UNC13C: variants seen among roughly 807,000 people sequenced by gnomAD.
The protein encoded by UNC13C is protein unc-13 homolog C.
In UNC13C, 174 loss-of-function variants were observed where a neutral mutation model predicts 245.4. The ratio of observed to expected loss-of-function variants is 0.71; its 90% CI spans 0.63 to 0.80. The LOEUF (loss-of-function observed/expected upper bound fraction) is 0.80, where lower values mean the gene tolerates loss of function less well. UNC13C is among the 30% of genes least tolerant of loss of function. The pLI, the probability that UNC13C is intolerant of heterozygous loss-of-function variation, is 0.00. For missense variants in UNC13C, 2,829 were observed against 2,602.9 expected (o/e 1.09, Z -1.89); for synonymous variants, 992 against 895.1 (o/e 1.11, Z -1.93).
chr15:54,207,197 T>G (rs186574241), intron 4 of UNC13C, among the ~76,000 whole-genome samples: 1 of 152,130 alleles, frequency 6.6e-6, no homozygotes, highest in East Asian at 1.9e-4. Context: ...AAAACTCATG[T>G]TGAAATTTGA....
chr15:54,603,318 T>C (rs1899550469), intron 30 of UNC13C, among the ~76,000 whole-genome samples: 1 of 152,188 alleles, frequency 6.6e-6, no homozygotes, highest in Non-Finnish European at 1.5e-5. Context: ...TTTGAAGGTA[T>C]TGATTCCTCA....
At chr15:54,376,483 A>G (rs2039609649) in intron 17 of UNC13C, among the ~76,000 whole-genome samples, 1 of 152,192 alleles carries the variant, frequency 6.6e-6, no homozygotes, top group African/African-American at 2.4e-5. Flanking sequence ...CTGCTAAATT[A>G]AATACATTTA....
intron 19 of UNC13C, among the ~76,000 whole-genome samples, chr15:54,487,787 AAAGACAGAGAGAG>A (rs1567320832): frequency 5.1e-5 from 4 of 78,646 alleles, no homozygotes; most frequent in South Asian, 3.9e-4. Flanking sequence ...AAAAAAAAAA[AAAGACAGAGAGAG>A]AGAAAAGAAA....
intron 22 of UNC13C, among the ~76,000 whole-genome samples, chr15:54,503,478 T>C (rs1221203989): frequency 6.6e-6 from 1 of 151,120 alleles, no homozygotes; most frequent in East Asian, 1.9e-4. Flanking sequence ...ACTCTGTCAC[T>C]GGAGTGCAGT....
downstream of UNC13C, chr15:54,630,481 A>T (rs1274721249): frequency 6.6e-6 from 1 of 152,220 alleles, no homozygotes; most frequent in Non-Finnish European, 1.5e-5. Flanking sequence ...TTTATGGACT[A>T]CTATAGCAGC....
intron 19 of UNC13C, among the ~76,000 whole-genome samples, chr15:54,467,056 G>T (rs1323165658): frequency 6.6e-6 from 1 of 151,752 alleles, no homozygotes; most frequent in African/African-American, 2.4e-5. Flanking sequence ...AAAATATTCA[G>T]ACTTCTGGGA....
At chr15:54,193,853 G>A (rs2034267671) in intron 4 of UNC13C, among the ~76,000 whole-genome samples, 1 of 152,012 alleles carries the variant, frequency 6.6e-6, no homozygotes, top group Non-Finnish European at 1.5e-5. Context: ...AGAGTGCCAG[G>A]GTAGCTTTTA....
intron 4 of UNC13C, among the ~76,000 whole-genome samples, chr15:54,200,774 A>G (rs1372396199): frequency 3.9e-5 from 6 of 152,070 alleles, no homozygotes; most frequent in African/African-American, 1.4e-4. Context: ...GAGAAACAAG[A>G]GCAATCCAAA....
At chr15:54,321,305 A>G in intron 13 of UNC13C, 1 of 472,378 alleles carries the variant, frequency 2.1e-6, no homozygotes, top group African/African-American at 2.0e-5. Context: ...TGTACTGTTC[A>G]AAATAATCTC....
intron 19 of UNC13C, among the ~76,000 whole-genome samples, chr15:54,421,929 T>C (rs76545760): frequency 0.019 from 2,942 of 152,152 alleles, 79 homozygotes; most frequent in African/African-American, 0.065. Context: ...GCATGATCCC[T>C]GCCTTGAGAA....
intron 30 of UNC13C, chr15:54,611,728 T>C (rs572778446): frequency 6.6e-6 from 1 of 152,306 alleles, no homozygotes; most frequent in East Asian, 1.9e-4. Context: ...TAATACACGT[T>C]TTGAAATGTT....
At chr15:54,250,838 G>A (rs976863394) in intron 8 of UNC13C, among the ~76,000 whole-genome samples, 1 of 136,010 alleles carries the variant, frequency 7.4e-6, no homozygotes, top group Non-Finnish European at 1.5e-5. Context: ...CTCACTGCAA[G>A]CTCTGCCTCC....
chr15:54,204,147 G>T (rs1596000359), intron 4 of UNC13C, among the ~76,000 whole-genome samples: 2 of 151,858 alleles, frequency 1.3e-5, no homozygotes, highest in South Asian at 2.1e-4. Context: ...ACTCGGGAAA[G>T]GTTGGGGGTG....
Position 54,626,986 on chromosome 15 carries a change from A to G in UNC13C, c.6518A>G (p.Lys2173Arg), listed in dbSNP as rs1256506700. Residue 2173 changes from lysine to arginine, a missense_variant, in exon 33 of 33, where the codon AAA becomes AGA. By Grantham distance (26) the Lys-to-Arg change is conservative. Coordinates refer to ENST00000260323, the MANE Select transcript of UNC13C (RefSeq NM_001080534.3). The stretch of plus-strand genomic sequence containing the variant: ...TATGGGGCATGGTATCCTCTTCTGA[A>G]AAATATCTCTATGGATGAAACTGGT... ...GSYGAWYPLL[K>R]NISMDETGLT... 9 of 1,613,482 alleles carry G rather than the reference A, an allele frequency of 5.6e-6. No homozygotes were observed. Among genetic ancestry groups the G allele is most frequent in the Non-Finnish European group, 1.7e-6 (2 of 1,179,606 alleles).
chr15:54,494,671 G>T lies in UNC13C; in HGVS notation c.4997G>T (p.Trp1666Leu), dbSNP rs750490933. 2 of 1,611,290 alleles carry T rather than the reference G, an allele frequency of 1.2e-6. No individual in the cohort carries two copies. The highest frequency in any genetic ancestry group is 2.2e-5 in the South Asian group (2 of 90,484). ...ATGAATTTGCATTTCAAAGTTAAAT[G>T]GTTTTATAATGAATATGTGCGTGAA... ...DYMNLHFKVK[W>L]FYNEYVRELP... is the part of the protein sequence containing the mutation. The change falls in exon 20 of 33, where the codon TGG (tryptophan) becomes TTG (leucine). Residue 1666 changes from tryptophan to leucine, a missense_variant. Trp to Leu is a moderately conservative substitution (Grantham distance 61). Coordinates refer to ENST00000260323, the MANE Select transcript of UNC13C (RefSeq NM_001080534.3).
chr15:54,171,964 AT>A (rs2033415264), intron 4 of UNC13C, among the ~76,000 whole-genome samples: 1 of 152,112 alleles, frequency 6.6e-6, no homozygotes, highest in African/African-American at 2.4e-5. Context: ...GTTACCATGG[AT>A]GCCAGTGGAG....
rs180866804 is a variant in UNC13C at position 54,305,258 on chromosome 15, T to G, written c.4268+4885T>G. ...TCAGTTGCCAAAAAGAAAGTGAAAA[T>G]GAAAAGTTTAATTGAGCTGATATAG... On this transcript the variant is annotated intron_variant, in intron 13 of 32. Transcript: ENST00000260323. Among the ~76,000 whole-genome samples the G allele has an allele frequency of 2.6e-4, 40 of 152,162 alleles. No individual in the cohort carries two copies. The East Asian group carries it at 7.6e-3, about 29-fold the overall frequency.
Position 54,615,382 on chromosome 15 carries a change from C to A in UNC13C, c.6107-6945C>A, listed in dbSNP as rs534390056. Among the ~76,000 whole-genome samples the A allele has an allele frequency of 4.6e-5, 7 of 152,064 alleles. No homozygotes were observed. In the South Asian group the frequency reaches 1.5e-3, roughly 32 times the overall value. ...TGGGGATGCATAGTCCCATGACTGA[C>A]TGACTTCATCTGAACTAACTTGGCT... On this transcript the variant is annotated intron_variant, in intron 30 of 32. Transcript: ENST00000260323.
chr15:54,452,515 T>C (rs984398014), intron 19 of UNC13C, among the ~76,000 whole-genome samples: 24 of 152,046 alleles, frequency 1.6e-4, no homozygotes, highest in Non-Finnish European at 1.2e-4. Context: ...GAGAGGAATG[T>C]TTAGGTGCAA....
Sources: gnomAD v4.1 joint callset for allele counts (sites outside exome capture counted in the v4.1 genomes callset) on GRCh38, gnomAD v4.1.1 for gene constraint, MANE v1.5 for transcripts, NCBI Gene and HGNC (gene_info 2026-07-23, HGNC 2026-07-21) for gene names.